MAN2B2: variants seen among roughly 807,000 people sequenced by gnomAD.
MAN2B2 encodes epididymis-specific alpha-mannosidase.
MAN2B2 carries 106 observed loss-of-function variants against 117.1 expected under a neutral mutation model. That is an observed-to-expected ratio of 0.90 (90% CI 0.77 to 1.06). The LOEUF is 1.06. Ranked by LOEUF, MAN2B2 falls within the 50% of genes least tolerant of loss-of-function variation. The pLI is 0.00. For missense variants in MAN2B2, 1,326 were observed against 1,381.4 expected (o/e 0.96, Z 0.64); for synonymous variants, 544 against 595.1 (o/e 0.91, Z 1.25).
At position 6,610,025 on chromosome 4, in the gene MAN2B2, C is replaced by T; in HGVS notation, c.2234C>T (p.Ser745Phe). ...CAGATGCAGCGGAGGCCCTACGTTT[C>T]CTATGTGAACAACAGCATCGCCCGG... ...GYQMQRRPYV[S>F]YVNNSIARNY... Residue 745 changes from serine (S) to phenylalanine (F), a missense_variant, in exon 13 of 19, where the codon TCC becomes TTC. Physicochemically the swap from Ser to Phe is radical, Grantham distance 155. Transcript: ENST00000285599. 1 of 1,614,170 alleles carries T rather than the reference C, an allele frequency of 6.2e-7. No homozygotes were observed. The highest frequency in any genetic ancestry group is 1.1e-5 in the South Asian group (1 of 91,084).
chr4:6,589,210 C>G, intron 5 of MAN2B2, 50 bp downstream of exon 5: 3 of 1,342,978 alleles, frequency 2.2e-6, no homozygotes, highest in Non-Finnish European at 3.2e-6. Context: ...CAGGGTCTGC[C>G]CAGCCCCTGC....
chr4:6,609,829 A>G lies in MAN2B2; in HGVS notation c.2038A>G (p.Ile680Val), dbSNP rs771768735. The G allele has an allele frequency of 1.9e-6, 3 of 1,614,038 alleles. No individual in the cohort carries two copies. The highest frequency in any genetic ancestry group is 2.2e-5 in the East Asian group (1 of 44,882). Residue 680 changes from isoleucine (I) to valine (V), a missense_variant, in exon 13 of 19, where the codon ATC becomes GTC. Coordinates refer to ENST00000285599, the MANE Select transcript of MAN2B2 (RefSeq NM_015274.3). The part of the protein sequence containing the change: ...NMTAQNYTYA[I>V]RSRLTHVPQG... ...GACAGCACAGAATTACACGTATGCA[A>G]TCCGCTCCCGGCTCACCCATGTGCC...
At chr4:6,600,481 C>T in intron 9 of MAN2B2, 142 bp from the exon 10 acceptor site, 2 of 944,080 alleles carry the variant, frequency 2.1e-6, no homozygotes, top group Non-Finnish European at 3.2e-6. Flanking sequence ...TGTTGGCCTG[C>T]CCCCTTCCTG....
At chr4:6,599,436 G>A (rs1310821570) in intron 9 of MAN2B2, among the ~76,000 whole-genome samples, 1 of 152,024 alleles carries the variant, frequency 6.6e-6, no homozygotes, top group Non-Finnish European at 1.5e-5. Flanking sequence ...GCCGAGGCGG[G>A]TGGATTACGA....
intron 1 of MAN2B2, among the ~76,000 whole-genome samples, chr4:6,576,080 A>C (rs1341918172): frequency 2.6e-5 from 4 of 152,006 alleles, no homozygotes; most frequent in Middle Eastern, 6.3e-3. Context: ...TGGTCCTTGG[A>C]GCTCCCAGCC....
At chr4:6,576,812 C>T in intron 2 of MAN2B2, 88 bp downstream of exon 2, 1 of 1,521,432 alleles carries the variant, frequency 6.6e-7, no homozygotes, top group Non-Finnish European at 9.0e-7. Flanking sequence ...TAGCCAGGGC[C>T]AGGGCCAGGC....
At chr4:6,612,581 C>T (rs1432869485) in intron 15 of MAN2B2, among the ~76,000 whole-genome samples, 1 of 152,252 alleles carries the variant, frequency 6.6e-6, no homozygotes. Context: ...CCATGTCTCC[C>T]AGGACGGCCA....
intron 15 of MAN2B2, among the ~76,000 whole-genome samples, chr4:6,611,723 G>A (rs1010738121): frequency 1.3e-5 from 2 of 152,206 alleles, no homozygotes; most frequent in African/African-American, 4.8e-5. Flanking sequence ...GAACCCGGGA[G>A]GCAGAGGTTG....
chr4:6,604,216 G>T (rs1246503751), intron 10 of MAN2B2, among the ~76,000 whole-genome samples: 2 of 152,252 alleles, frequency 1.3e-5, no homozygotes, highest in East Asian at 1.9e-4. Flanking sequence ...GAGGAGGCTG[G>T]GTCCCAGAGG....
At chr4:6,621,150 C>A (rs751889455) in intron 18 of MAN2B2, 38 bp from the exon 19 acceptor site, 17 of 1,522,920 alleles carry the variant, frequency 1.1e-5, no homozygotes, top group Admixed American at 1.7e-5. Flanking sequence ...GAGGAGGCAT[C>A]CCAGGCCACA....
At chr4:6,591,640 G>A (rs1325028734) in intron 5 of MAN2B2, among the ~76,000 whole-genome samples, 1 of 152,182 alleles carries the variant, frequency 6.6e-6, no homozygotes, top group Non-Finnish European at 1.5e-5. Context: ...TCAGGTGACA[G>A]CAGGGGACTC....
chr4:6,603,647 G>A (rs1283996361), intron 10 of MAN2B2, among the ~76,000 whole-genome samples: 1 of 152,146 alleles, frequency 6.6e-6, no homozygotes, highest in Non-Finnish European at 1.5e-5. Flanking sequence ...TGGGGATGGT[G>A]TACTAACCAA....
At chr4:6,575,374 C>T (rs1398297353) in intron 1 of MAN2B2, 26 bp downstream of exon 1, 2 of 1,467,452 alleles carry the variant, frequency 1.4e-6, no homozygotes, top group East Asian at 2.7e-5. Context: ...GCCCCGCGCG[C>T]CCCTGAGGCT....
At position 6,579,015 on chromosome 4, in the gene MAN2B2, CCACCAT is replaced by C. The variant is rs1405877849; in HGVS notation, c.391+529_391+534del. On this transcript the variant is annotated intron_variant, in intron 3 of 18. Coordinates refer to ENST00000285599, the MANE Select transcript of MAN2B2 (RefSeq NM_015274.3). ...ACTACCACTACCATCACCACCACCA[CCACCAT>C]CACCATCACCACTACCACCATCACC... is the stretch of plus-strand genomic sequence containing the variant. Among the ~76,000 whole-genome samples the C allele has an allele frequency of 8.4e-4, 86 of 102,526 alleles. 2 individuals carry two copies. The highest frequency in any genetic ancestry group is 3.5e-3 in the African/African-American group (70 of 20,050). The allele number at this position is 102,526 out of a possible 152,430, so 67.3% of individuals were successfully genotyped here.
chr4:6,596,956 G>A (rs138473066), intron 7 of MAN2B2, among the ~76,000 whole-genome samples, 157 bp from the exon 8 acceptor site: 8 of 152,164 alleles, frequency 5.3e-5, no homozygotes, highest in African/African-American at 9.7e-5. Context: ...GTTGGGAGCC[G>A]TAAGCCCTGG....
intron 5 of MAN2B2, among the ~76,000 whole-genome samples, chr4:6,592,112 G>A (rs1421158593): frequency 2.6e-5 from 4 of 152,232 alleles, no homozygotes; most frequent in African/African-American, 7.2e-5. Context: ...GTTCAAATCC[G>A]CACTCTGCCC....
intron 3 of MAN2B2, 97 bp from the exon 4 acceptor site, chr4:6,586,899 C>A: frequency 8.5e-7 from 1 of 1,177,718 alleles, no homozygotes; most frequent in Non-Finnish European, 1.2e-6. Flanking sequence ...GCTGGCACTG[C>A]AACCCACTGG....
chr4:6,614,463 G>T (rs929008826), intron 16 of MAN2B2, 108 bp downstream of exon 16: 2 of 1,322,634 alleles, frequency 1.5e-6, no homozygotes. Flanking sequence ...TCATGGCTCT[G>T]CAAGGTCACC....
Position 6,600,466 on chromosome 4 carries a change from A to G in MAN2B2, c.1406-157A>G, listed in dbSNP as rs370108379. On this transcript the variant is annotated intron_variant, in intron 9 of 18. Coordinates refer to ENST00000285599, the MANE Select transcript of MAN2B2 (RefSeq NM_015274.3). The stretch of plus-strand genomic sequence containing the variant: ...GTAGCCCACGCTGTGTCTGTGGGAA[A>G]CACCTGTTGGCCTGCCCCCTTCCTG... Among the ~76,000 whole-genome samples, 17 of 152,304 alleles carry G rather than the reference A, an allele frequency of 1.1e-4. No homozygotes were observed. The South Asian group carries it at 3.5e-3, about 32-fold the overall frequency.
Sources: allele counts gnomAD v4.1 joint callset (sites outside exome capture counted in the v4.1 genomes callset), GRCh38; gene constraint gnomAD v4.1.1; transcripts MANE v1.5; gene names NCBI Gene and HGNC (gene_info 2026-07-23, HGNC 2026-07-21).